PDE11A: variants seen among roughly 807,000 people sequenced by gnomAD.
PDE11A encodes the protein dual 3',5'-cyclic-AMP and -GMP phosphodiesterase 11A.
In PDE11A, 100 loss-of-function variants were observed where a neutral mutation model predicts 100.5. That is an observed-to-expected ratio of 1.00 (90% CI 0.85 to 1.18). The LOEUF (loss-of-function observed/expected upper bound fraction) is 1.18. Ranked by LOEUF, PDE11A falls within the 50% of genes most tolerant of loss-of-function variation. The probability of loss-of-function intolerance (pLI) is 0.00; values close to 1 mark genes in which losing one functional copy is unlikely to be tolerated. For synonymous variants in PDE11A, 381 were observed against 420.8 expected, an observed-to-expected ratio of 0.91 and a Z score of 1.16; for missense variants, 1,141 against 1,152.6, an observed-to-expected ratio of 0.99 and a Z score of 0.15.
Position 177,897,064 on chromosome 2 carries a change from T to C in PDE11A, c.1302+994A>G, listed in dbSNP as rs575342308. 7.1e-4 allele frequency among the ~76,000 whole-genome samples: 108 copies of C among 152,364 alleles called. 1 individual carries two copies. In the South Asian group the frequency reaches 9.3e-3, roughly 13 times the overall value. ...TGTCCAAAATTTACCCTAAGGTTCCTATTCTTTGAGGAAAACAAACCCAAA... is the reference window on the plus strand; with the variant it reads ...TGTCCAAAATTTACCCTAAGGTTCCCATTCTTTGAGGAAAACAAACCCAAA... On this transcript the variant is annotated intron_variant, in intron 4 of 19. Transcript: ENST00000286063.
chr2:177,647,517 G>T (rs980622585), intron 19 of PDE11A, among the ~76,000 whole-genome samples: 2 of 152,156 alleles, frequency 1.3e-5, no homozygotes, highest in Non-Finnish European at 2.9e-5. Context: ...CCAAAAGAGA[G>T]TCCTAACTAT....
chr2:177,806,395 T>C (rs1406369582), intron 9 of PDE11A, among the ~76,000 whole-genome samples: 1 of 152,148 alleles, frequency 6.6e-6, no homozygotes, highest in Non-Finnish European at 1.5e-5. Flanking sequence ...AGAAATAAAC[T>C]GAAACTAATA....
chr2:177,805,744 A>G (rs2082859719), intron 9 of PDE11A, among the ~76,000 whole-genome samples: 1 of 152,214 alleles, frequency 6.6e-6, no homozygotes, highest in South Asian at 2.1e-4. Flanking sequence ...TGATACATTC[A>G]GATCAGTAGT....
intron 2 of PDE11A, among the ~76,000 whole-genome samples, chr2:177,910,424 CTCTCTATA>C (rs1176508460): frequency 1.2e-5 from 1 of 86,498 alleles, no homozygotes; most frequent in African/African-American, 6.7e-5. Context: ...CTCTCTCTCT[CTCTCTATA>C]TATATATATA....
At chr2:177,741,141 A>G (rs1574096696) in intron 10 of PDE11A, among the ~76,000 whole-genome samples, 1 of 152,334 alleles carries the variant, frequency 6.6e-6, no homozygotes, top group East Asian at 1.9e-4. Flanking sequence ...GGTGGCTTAG[A>G]CAACAGAAAT....
chr2:177,743,531 A>G (rs2081905643), intron 10 of PDE11A, among the ~76,000 whole-genome samples: 1 of 152,240 alleles, frequency 6.6e-6, no homozygotes, highest in Non-Finnish European at 1.5e-5. Context: ...GGTACAGGGT[A>G]GAGATGTCAG....
intron 5 of PDE11A, among the ~76,000 whole-genome samples, chr2:177,866,220 A>G (rs993590969): frequency 4.6e-5 from 7 of 151,982 alleles, no homozygotes; most frequent in African/African-American, 1.7e-4. Context: ...GCTGATTGAC[A>G]CCTCCATCTC....
At chr2:177,761,785 T>C (rs888705951) in intron 10 of PDE11A, among the ~76,000 whole-genome samples, 4 of 152,174 alleles carry the variant, frequency 2.6e-5, no homozygotes, top group Non-Finnish European at 4.4e-5. Context: ...AGTAGAACTA[T>C]TTGGTTAAGG....
chr2:177,680,957 C>T (rs2080853456), intron 15 of PDE11A, 54 bp from the exon 16 acceptor site: 4 of 973,004 alleles, frequency 4.1e-6, no homozygotes, highest in African/African-American at 1.6e-5. Flanking sequence ...AATGAGATTT[C>T]CCAGTCTGTG....
intron 2 of PDE11A, among the ~76,000 whole-genome samples, chr2:178,000,058 G>T (rs896021238): frequency 6.6e-6 from 1 of 152,100 alleles, no homozygotes; most frequent in African/African-American, 2.4e-5. Flanking sequence ...AGGGGTGGGG[G>T]AAATGCTCTT....
At chr2:177,778,658 AG>A (rs1264728702) in intron 9 of PDE11A, among the ~76,000 whole-genome samples, 2 of 152,222 alleles carry the variant, frequency 1.3e-5, no homozygotes, top group Non-Finnish European at 2.9e-5. Context: ...ACAAACCACA[AG>A]GAATGAAAAG....
In PDE11A at chr2:177,675,405, A is replaced by AC. The variant is rs755304689; in HGVS notation, c.2487+49dup. ...GCTCTGGGAATATTGTGTCCCCCTT[A>AC]CGCCCCCCAGTCCCTCCTCTGCTGA... On this transcript the variant is annotated intron_variant, in intron 17 of 19. Transcript: ENST00000286063. The AC allele has an allele frequency of 4.6e-6, 6 of 1,306,096 alleles. No individual in the cohort carries two copies. In the East Asian group the frequency reaches 1.4e-4, roughly 30 times the overall value. 80.9% of individuals were successfully genotyped at this position (1,306,096 alleles called of 1,614,324 possible). A position where few individuals can be genotyped will look rare whatever the true frequency, so the allele number is the denominator to read the frequency against.
intron 5 of PDE11A, among the ~76,000 whole-genome samples, chr2:177,842,172 C>T (rs1191603781): frequency 1.3e-5 from 2 of 152,150 alleles, no homozygotes; most frequent in Admixed American, 6.5e-5. Flanking sequence ...GTGATCACAC[C>T]GTTTCGAAGC....
At chr2:177,692,208 T>TA (rs1385419174) in intron 15 of PDE11A, among the ~76,000 whole-genome samples, 7 of 152,226 alleles carry the variant, frequency 4.6e-5, no homozygotes, top group Non-Finnish European at 1.0e-4. Flanking sequence ...TTGTTGTTTT[T>TA]ATTACTAATA....
intron 15 of PDE11A, among the ~76,000 whole-genome samples, chr2:177,695,281 A>G (rs1019252527): frequency 2.6e-5 from 4 of 152,188 alleles, no homozygotes; most frequent in African/African-American, 9.7e-5. Context: ...AAGGGTATTT[A>G]GGATATCTGT....
intron 17 of PDE11A, among the ~76,000 whole-genome samples, chr2:177,670,618 A>G (rs1574028020): frequency 6.6e-6 from 1 of 152,206 alleles, no homozygotes; most frequent in Admixed American, 6.5e-5. Flanking sequence ...CCAAGTTCTT[A>G]TGAAGATAAG....
intron 1 of PDE11A, among the ~76,000 whole-genome samples, chr2:178,069,611 A>G (rs1039119008): frequency 6.6e-6 from 1 of 151,968 alleles, no homozygotes; most frequent in Non-Finnish European, 1.5e-5. Context: ...CCTCTTTCCC[A>G]ATGTCAGCTT....
chr2:177,804,720 T>TAC (rs2082844477), intron 9 of PDE11A, among the ~76,000 whole-genome samples: 1 of 151,536 alleles, frequency 6.6e-6, no homozygotes, highest in Non-Finnish European at 1.5e-5. Flanking sequence ...GTTATATATA[T>TAC]ATCCACATAA....
chr2:177,784,297 C>T (rs1450570390), intron 9 of PDE11A, among the ~76,000 whole-genome samples: 2 of 148,034 alleles, frequency 1.4e-5, no homozygotes, highest in African/African-American at 2.5e-5. Flanking sequence ...TCTCAGTGCT[C>T]ATTATACACT....
Sources: gnomAD v4.1 joint callset for allele counts (sites outside exome capture counted in the v4.1 genomes callset) on GRCh38, gnomAD v4.1.1 for gene constraint, MANE v1.5 for transcripts, NCBI Gene and HGNC (gene_info 2026-07-23, HGNC 2026-07-21) for gene names.